The following FAM171A1 variants were observed in gnomAD, a reference collection of about 807,000 sequenced individuals.
FAM171A1 encodes family with sequence similarity 171 member A1.
Under a neutral mutation model 74.9 loss-of-function variants are expected in FAM171A1, and 23 were observed. That is an observed-to-expected ratio of 0.31 (90% CI 0.22 to 0.44). The LOEUF (loss-of-function observed/expected upper bound fraction) is 0.44. FAM171A1 is among the 20% of genes least tolerant of loss of function. FAM171A1 has a pLI of 1.00. For synonymous variants in FAM171A1, 527 were observed against 505.7 expected (o/e 1.04, Z -0.57); for missense variants, 1,162 against 1,159.2 (o/e 1.00, Z -0.03).
chr10:15,221,779 AC>A (rs1205469903), intron 5 of FAM171A1, among the ~76,000 whole-genome samples: 1 of 151,502 alleles, frequency 6.6e-6, no homozygotes, highest in African/African-American at 2.4e-5. Context: ...GAGTTACAAA[AC>A]TTTTCCAAGG....
chr10:15,346,560 A>G (rs1835819106), intron 1 of FAM171A1, among the ~76,000 whole-genome samples: 1 of 152,180 alleles, frequency 6.6e-6, no homozygotes, highest in Non-Finnish European at 1.5e-5. Context: ...CTGCTATTCC[A>G]TCCAGGAGAT....
At chr10:15,280,028 A>G (rs953436621) in intron 2 of FAM171A1, among the ~76,000 whole-genome samples, 2 of 152,260 alleles carry the variant, frequency 1.3e-5, no homozygotes, top group Non-Finnish European at 1.5e-5. Context: ...TGGAGGGTGT[A>G]GTGAGCTGAG....
At position 15,371,224 on chromosome 10, in the gene FAM171A1, C is replaced by G. The variant is rs1390219217; in HGVS notation, c.-172G>C. The stretch of plus-strand genomic sequence containing the variant: ...CGGCCGCTCCCTCCCGCGCCCCGCG[C>G]CGGGTTTCCCCGAAGAGCCGCGGCG... On this transcript the variant is annotated 5_prime_UTR_variant, in exon 1 of 8. Coordinates refer to ENST00000378116, the MANE Select transcript of FAM171A1 (RefSeq NM_001010924.2). Among the ~76,000 whole-genome samples the G allele has an allele frequency of 1.3e-4, 19 of 142,290 alleles. No individual in the cohort carries two copies. Among genetic ancestry groups the G allele is most frequent in the African/African-American group, 4.7e-4 (19 of 40,248 alleles). 93.3% of individuals were successfully genotyped at this position (142,290 alleles called of 152,430 possible).
At chr10:15,373,755 TCTATG>T (rs1384061119), upstream of FAM171A1, among the ~76,000 whole-genome samples, 1 of 152,202 alleles carries the variant, frequency 6.6e-6, no homozygotes, top group African/African-American at 2.4e-5. Context: ...AAAATCCCAT[TCTATG>T]CCATTTTTCT....
chr10:15,287,278 G>A (rs1385647803), intron 1 of FAM171A1, among the ~76,000 whole-genome samples: 2 of 151,300 alleles, frequency 1.3e-5, no homozygotes, highest in Admixed American at 6.6e-5. Flanking sequence ...TTTTTTAATA[G>A]AGACAGGGTT....
intron 1 of FAM171A1, among the ~76,000 whole-genome samples, chr10:15,335,236 C>G (rs1835686873): frequency 6.6e-6 from 1 of 152,020 alleles, no homozygotes; most frequent in Non-Finnish European, 1.5e-5. Context: ...AGAGTGAGAC[C>G]CTGTCTCAAA....
At chr10:15,358,383 A>T (rs888566368) in intron 1 of FAM171A1, among the ~76,000 whole-genome samples, 8 of 152,210 alleles carry the variant, frequency 5.3e-5, no homozygotes, top group Non-Finnish European at 1.2e-4. Context: ...CCCTCACTCT[A>T]TGCCAAAAGG....
chr10:15,245,829 T>C (rs1391772446), intron 5 of FAM171A1, among the ~76,000 whole-genome samples: 2 of 152,206 alleles, frequency 1.3e-5, no homozygotes, highest in Admixed American at 6.5e-5. Flanking sequence ...CAAATGCAAA[T>C]AGAGGTAAGT....
intron 5 of FAM171A1, among the ~76,000 whole-genome samples, chr10:15,228,825 A>G (rs1453531747): frequency 6.6e-6 from 1 of 152,194 alleles, no homozygotes; most frequent in Non-Finnish European, 1.5e-5. Context: ...GGACATGCTG[A>G]GGATGACACA....
chr10:15,312,586 C>T (rs1423691163), intron 1 of FAM171A1, among the ~76,000 whole-genome samples: 3 of 145,766 alleles, frequency 2.1e-5, no homozygotes, highest in East Asian at 4.2e-4. Flanking sequence ...CAGAGGTGCC[C>T]GGCTGCAAAC....
At chr10:15,331,255 A>G (rs1488007221) in intron 1 of FAM171A1, among the ~76,000 whole-genome samples, 1 of 152,176 alleles carries the variant, frequency 6.6e-6, no homozygotes. Context: ...ATCCCTGTGG[A>G]GGGGAGGCGT....
At chr10:15,279,108 G>GT (rs575942549) in intron 2 of FAM171A1, among the ~76,000 whole-genome samples, 13 of 152,294 alleles carry the variant, frequency 8.5e-5, no homozygotes, top group Admixed American at 5.2e-4. Context: ...GAGCTGACCG[G>GT]TTTGGGGGGC....
chr10:15,245,321 C>A (rs972120207), intron 5 of FAM171A1, among the ~76,000 whole-genome samples: 6 of 152,186 alleles, frequency 3.9e-5, no homozygotes, highest in Non-Finnish European at 5.9e-5. Context: ...CCTGTCTTGG[C>A]CTCCCAAAGT....
chr10:15,297,032 C>G (rs1192851674), intron 1 of FAM171A1, among the ~76,000 whole-genome samples: 2 of 152,000 alleles, frequency 1.3e-5, no homozygotes, highest in Non-Finnish European at 2.9e-5. Flanking sequence ...GGCTGCTCAT[C>G]CTCTGAAGGG....
At chr10:15,366,052 C>A (rs1160453705) in intron 1 of FAM171A1, among the ~76,000 whole-genome samples, 1 of 152,148 alleles carries the variant, frequency 6.6e-6, no homozygotes, top group Non-Finnish European at 1.5e-5. Context: ...TTGGGTTACA[C>A]TGTAGAATTT....
intron 6 of FAM171A1, among the ~76,000 whole-genome samples, chr10:15,218,867 T>C (rs997020956): frequency 1.6e-4 from 25 of 152,070 alleles, no homozygotes; most frequent in African/African-American, 5.6e-4. Context: ...AGTGCTGGGA[T>C]TACAGGTGTG....
intron 5 of FAM171A1, among the ~76,000 whole-genome samples, chr10:15,242,433 T>TG (rs1231786722): frequency 3.3e-5 from 5 of 152,222 alleles, no homozygotes; most frequent in African/African-American, 1.2e-4. Context: ...TCTGCATACA[T>TG]GCAATCTGTT....
chr10:15,262,877 T>G (rs1000718119), intron 3 of FAM171A1, among the ~76,000 whole-genome samples: 7 of 152,138 alleles, frequency 4.6e-5, no homozygotes, highest in African/African-American at 1.7e-4. Context: ...CACTGCCATG[T>G]CCTCTTCGGA....
chr10:15,368,424 A>T (rs1482968287), intron 1 of FAM171A1, among the ~76,000 whole-genome samples: 2 of 152,206 alleles, frequency 1.3e-5, no homozygotes, highest in Non-Finnish European at 2.9e-5. Context: ...TGAGGTCTCT[A>T]AGCAGTTTTA....
Sources: allele counts gnomAD v4.1 joint callset (sites outside exome capture counted in the v4.1 genomes callset), GRCh38; gene constraint gnomAD v4.1.1; transcripts MANE v1.5; gene names NCBI Gene and HGNC (gene_info 2026-07-23, HGNC 2026-07-21).